PRMT3: variants seen among roughly 807,000 people sequenced by gnomAD.
PRMT3 encodes protein arginine N-methyltransferase 3.
A neutral mutation model predicts 71.9 loss-of-function variants in PRMT3; 62 were observed. That is an observed-to-expected ratio of 0.86 (90% CI 0.70 to 1.07). The LOEUF is 1.07. Ranked by LOEUF, PRMT3 falls within the 50% of genes least tolerant of loss-of-function variation. PRMT3 has a pLI of 0.00. For missense variants in PRMT3, 663 were observed against 643.0 expected, an observed-to-expected ratio of 1.03 and a Z score of -0.34; for synonymous variants, 213 against 220.4, an observed-to-expected ratio of 0.97 and a Z score of 0.30.
chr11:20,460,035 C>T (rs1358698067), intron 11 of PRMT3, among the ~76,000 whole-genome samples: 2 of 152,118 alleles, frequency 1.3e-5, no homozygotes, highest in East Asian at 1.9e-4. Context: ...CTTAGTACTA[C>T]GTAGTTTTTT....
At chr11:20,490,797 A>G (rs1851187198) in intron 13 of PRMT3, among the ~76,000 whole-genome samples, 1 of 74,410 alleles carries the variant, frequency 1.3e-5, no homozygotes. Flanking sequence ...ATGTTTTAGA[A>G]CTATGGGTTT....
intron 15 of PRMT3, among the ~76,000 whole-genome samples, 155 bp from the exon 16 acceptor site, chr11:20,508,149 T>TAA (rs11338942): frequency 7.0e-4 from 86 of 122,848 alleles, no homozygotes; most frequent in African/African-American, 2.4e-3. Flanking sequence ...GACTCCATCT[T>TAA]AAAAAAAAAA....
At chr11:20,427,816 T>A (rs1281722206) in intron 10 of PRMT3, among the ~76,000 whole-genome samples, 5 of 151,844 alleles carry the variant, frequency 3.3e-5, no homozygotes, top group African/African-American at 1.2e-4. Context: ...TAAAGATTTT[T>A]AAATTATTTT....
chr11:20,425,352 A>C (rs1208236749), intron 9 of PRMT3, among the ~76,000 whole-genome samples: 1 of 152,208 alleles, frequency 6.6e-6, no homozygotes, highest in Non-Finnish European at 1.5e-5. Context: ...GGAAATGTCA[A>C]ATTGTTTATA....
rs368900530 is a variant in PRMT3 at position 20,445,886 on chromosome 11, C to A, written c.994-6244C>A. On this transcript the variant is annotated intron_variant, in intron 10 of 15. Transcript: ENST00000331079. ...TTCACTCAGTCATGTTCATAACATT[C>A]ATTTATATTGCCTATAAGGATAATT... 2.0e-5 allele frequency among the ~76,000 whole-genome samples: 3 copies of A among 152,108 alleles called. No individual in the cohort carries two copies. In the East Asian group the frequency reaches 5.8e-4, roughly 29 times the overall value.
chr11:20,415,932 T>C (rs1163967915), intron 9 of PRMT3, among the ~76,000 whole-genome samples: 2 of 152,176 alleles, frequency 1.3e-5, no homozygotes, highest in African/African-American at 2.4e-5. Flanking sequence ...ACCTGCTGCA[T>C]TCACTCATTT....
At chr11:20,483,691 A>G (rs943439230) in intron 13 of PRMT3, among the ~76,000 whole-genome samples, 1 of 152,188 alleles carries the variant, frequency 6.6e-6, no homozygotes, top group Non-Finnish European at 1.5e-5. Flanking sequence ...AGAGACATTC[A>G]TTTAGAAGGA....
chr11:20,409,252 G>A (rs1024592912), intron 9 of PRMT3, among the ~76,000 whole-genome samples: 3 of 152,052 alleles, frequency 2.0e-5, no homozygotes, highest in African/African-American at 7.3e-5. Context: ...ATCAAGCTTG[G>A]GATGTAGTCT....
In PRMT3 at chr11:20,387,932, G is replaced by A; in HGVS notation, c.29-87G>A. ...AGTGAGGGCCGCGGGCGAACGGGGCGGAGGAGAGCCCATCGTCACCTGCTC... is the reference window on the plus strand; with the variant it reads ...AGTGAGGGCCGCGGGCGAACGGGGCAGAGGAGAGCCCATCGTCACCTGCTC... On this transcript the variant is annotated intron_variant, in intron 1 of 15. Transcript: ENST00000331079. This position sits in a 1 kb window ranked among gnomAD's most constrained non-coding sequence, Gnocchi z 4.3. 1 of 1,595,784 alleles carries A rather than the reference G, an allele frequency of 6.3e-7. No homozygotes were observed. Among genetic ancestry groups the A allele is most frequent in the African/African-American group, 1.3e-5 (1 of 74,742 alleles).
intron 13 of PRMT3, among the ~76,000 whole-genome samples, chr11:20,469,806 A>G (rs560374478): frequency 6.6e-6 from 1 of 151,386 alleles, no homozygotes; most frequent in East Asian, 1.9e-4. Context: ...TAATTTCAGC[A>G]TTTTTTCTTT....
chr11:20,389,225 A>C (rs1342256522), intron 2 of PRMT3, among the ~76,000 whole-genome samples: 1 of 152,266 alleles, frequency 6.6e-6, no homozygotes, highest in East Asian at 1.9e-4. Flanking sequence ...ATTGATCCTC[A>C]CAGTGTCTGT....
At chr11:20,471,825 A>T (rs943529426) in intron 13 of PRMT3, among the ~76,000 whole-genome samples, 4 of 152,162 alleles carry the variant, frequency 2.6e-5, no homozygotes, top group African/African-American at 4.8e-5. Flanking sequence ...GATTCTTTCT[A>T]TCCCTTAGCA....
chr11:20,426,463 C>T (rs1849548728), intron 9 of PRMT3, among the ~76,000 whole-genome samples: 1 of 152,134 alleles, frequency 6.6e-6, no homozygotes, highest in Non-Finnish European at 1.5e-5. Flanking sequence ...CTGTCTTCAC[C>T]ACTGTGTTGT....
rs752319896 is a variant in PRMT3 at position 20,418,877 on chromosome 11, GA to G, written c.894-7886del. On this transcript the variant is annotated intron_variant, in intron 9 of 15. Coordinates refer to ENST00000331079, the MANE Select transcript of PRMT3 (RefSeq NM_005788.4). ...GCATAAGTATCCATAAATAACAAATGAAATTAAACATGTAGTAACCATCACC... is the reference window on the plus strand; with the variant it reads ...GCATAAGTATCCATAAATAACAAATGAATTAAACATGTAGTAACCATCACC... 2.6e-5 allele frequency among the ~76,000 whole-genome samples: 4 copies of G among 152,114 alleles called. No homozygotes were observed. The East Asian group carries it at 7.7e-4, about 29-fold the overall frequency.
chr11:20,446,358 T>C (rs1177764368), intron 10 of PRMT3, among the ~76,000 whole-genome samples: 3 of 148,930 alleles, frequency 2.0e-5, no homozygotes, highest in Non-Finnish European at 4.5e-5. Flanking sequence ...GCATACTCTT[T>C]TTTTTTTTTA....
intron 10 of PRMT3, among the ~76,000 whole-genome samples, chr11:20,431,244 T>G (rs140897710): frequency 2.9e-3 from 439 of 152,270 alleles, no homozygotes; most frequent in South Asian, 4.8e-3. Flanking sequence ...GGAGATATAG[T>G]ATATGACAGG....
intron 10 of PRMT3, among the ~76,000 whole-genome samples, chr11:20,431,963 G>T (rs1290031897): frequency 1.3e-5 from 2 of 151,824 alleles, no homozygotes; most frequent in Non-Finnish European, 2.9e-5. Flanking sequence ...GAAAAGTTGT[G>T]GTTCATATTT....
chr11:20,474,042 C>T (rs923247719), intron 13 of PRMT3, among the ~76,000 whole-genome samples: 1 of 152,172 alleles, frequency 6.6e-6, no homozygotes, highest in Non-Finnish European at 1.5e-5. Context: ...GCAAAGATGG[C>T]AGCCTGCTCC....
At chr11:20,497,923 G>A (rs11025588) in intron 15 of PRMT3, among the ~76,000 whole-genome samples, 48,412 of 152,108 alleles carry the variant, frequency 0.32, 9,695 homozygotes, top group Non-Finnish European at 0.45. Flanking sequence ...ATGGGTGCAG[G>A]AAAATGTCTG....
Sources: allele counts gnomAD v4.1 joint callset (sites outside exome capture counted in the v4.1 genomes callset), GRCh38; gene constraint gnomAD v4.1.1; non-coding constraint Gnocchi (gnomAD v3.1); transcripts MANE v1.5; gene names NCBI Gene and HGNC (gene_info 2026-07-23, HGNC 2026-07-21).